SAG: variants seen among roughly 807,000 people sequenced by gnomAD.
SAG encodes S-arrestin.
Under a neutral mutation model 55.0 loss-of-function variants are expected in SAG, and 45 were observed. The observed-to-expected ratio is 0.82, with a 90% CI of 0.64 to 1.05. SAG has a LOEUF of 1.05. SAG is among the 50% of genes least tolerant of loss of function. The pLI, the probability that SAG is intolerant of heterozygous loss-of-function variation, is 0.00. For synonymous variants in SAG, 189 were observed against 197.4 expected (o/e 0.96, Z 0.36); for missense variants, 455 against 512.1 (o/e 0.89, Z 1.08).
At position 233,319,118 on chromosome 2, in the gene SAG, A is replaced by C; in HGVS notation, c.181+323A>C. 2.0e-6 allele frequency: 1 copy of C among 499,222 alleles called. No individual in the cohort carries two copies. Among genetic ancestry groups the C allele is most frequent in the Non-Finnish European group, 3.9e-6 (1 of 257,066 alleles). 30.9% of individuals were successfully genotyped at this position (499,222 alleles called of 1,614,324 possible). On this transcript the variant is annotated intron_variant, in intron 4 of 15. Transcript: ENST00000409110. The surrounding 1 kb of genome is among the most constrained non-coding windows in gnomAD (Gnocchi z 4.4). ...TCATGTACTTCTGTGCTAGGGGCAA[A>C]CTCAGGAGGGTGCCTGGGGTGCCTA...
At position 233,335,113 on chromosome 2, in the gene SAG, G is replaced by T. The variant is rs1448139275; in HGVS notation, c.944+14G>T. ...CTCCAGCACCATGTGAGTCCTCGAG[G>T]CTCAGGGAATAAGCCCTGGCAGGGC... On this transcript the variant is annotated intron_variant, in intron 11 of 15. Transcript: ENST00000409110. 6.2e-7 allele frequency: 1 copy of T among 1,605,024 alleles called. No homozygotes were observed. Among genetic ancestry groups the T allele is most frequent in the Non-Finnish European group, 8.5e-7 (1 of 1,173,064 alleles).
intron 14 of SAG, chr2:233,343,081 GTTTTT>G (rs34180640): frequency 0.1 from 10,851 of 104,028 alleles, 459 homozygotes; most frequent in South Asian, 0.15. Context: ...TTTTTTTGGG[GTTTTT>G]TTTTTTTTTT....
chr2:233,327,241 G>T (rs1052088255), intron 7 of SAG, 44 bp downstream of exon 7: 14 of 1,511,734 alleles, frequency 9.3e-6, no homozygotes, highest in Admixed American at 8.4e-5. Context: ...TGCGGTGGGG[G>T]TGGAGAGAAG....
chr2:233,331,065 C>T (rs925959557), intron 9 of SAG, among the ~76,000 whole-genome samples: 1 of 152,032 alleles, frequency 6.6e-6, no homozygotes, highest in African/African-American at 2.4e-5. Context: ...AAAAAATCCT[C>T]AAGCTTAATT....
chr2:233,346,685 C>A, intron 15 of SAG, 122 bp from the exon 16 acceptor site: 2 of 788,516 alleles, frequency 2.5e-6, no homozygotes, highest in Non-Finnish European at 4.4e-6. Flanking sequence ...ATGGCGTGCC[C>A]CCATGTTCTA....
chr2:233,330,714 A>T (rs1700733253), intron 9 of SAG, among the ~76,000 whole-genome samples: 1 of 151,996 alleles, frequency 6.6e-6, no homozygotes, highest in Non-Finnish European at 1.5e-5. Context: ...TATTTTCAGT[A>T]GAGATGGGGA....
intron 2 of SAG, among the ~76,000 whole-genome samples, chr2:233,314,052 T>G (rs1186274284): frequency 6.6e-6 from 1 of 151,620 alleles, no homozygotes; most frequent in Non-Finnish European, 1.5e-5. Flanking sequence ...AGACCCTGTC[T>G]CTACAAAAAA....
rs1203423590 is a variant in SAG, at chr2:233,319,960, G to C, written c.182-670G>C. On this transcript the variant is annotated intron_variant, in intron 4 of 15. Coordinates refer to ENST00000409110, the MANE Select transcript of SAG (RefSeq NM_000541.5). This position sits in a 1 kb window ranked among gnomAD's most constrained non-coding sequence, Gnocchi z 4.4. ...TATATTTGAGAAATATGTGCTTCGT[G>C]TCTTTTTTAGAAGGTGTAGTGAACT... 5.1e-6 allele frequency: 5 copies of C among 985,410 alleles called. No individual in the cohort carries two copies. The highest frequency in any genetic ancestry group is 6.0e-6 in the Non-Finnish European group (5 of 829,966). The allele number at this position is 985,410 out of a possible 1,614,324, so 61.0% of individuals were successfully genotyped here.
chr2:233,331,872 A>G, intron 10 of SAG, 160 bp downstream of exon 10: 1 of 657,050 alleles, frequency 1.5e-6, no homozygotes. Context: ...GAAAGTTAGC[A>G]TCTTAGCTCT....
chr2:233,342,462 A>G (rs570257223), intron 14 of SAG, 136 bp downstream of exon 14: 2 of 737,000 alleles, frequency 2.7e-6, no homozygotes, highest in East Asian at 2.7e-5. Flanking sequence ...GTGATCTACA[A>G]GGTGAATAGT....
At chr2:233,338,526 T>C in intron 11 of SAG, 150 bp from the exon 12 acceptor site, 5 of 680,956 alleles carry the variant, frequency 7.3e-6, no homozygotes. Context: ...CCCAAGTACA[T>C]GAACTTCTAG....
intron 7 of SAG, chr2:233,327,645 C>G (rs946732211): frequency 6.5e-6 from 1 of 154,394 alleles, no homozygotes; most frequent in African/African-American, 2.4e-5. Flanking sequence ...CAGGTTCAAG[C>G]GATTCTCCTG....
chr2:233,308,519 C>A (rs1034709200), intron 1 of SAG, among the ~76,000 whole-genome samples: 4 of 151,418 alleles, frequency 2.6e-5, no homozygotes, highest in Non-Finnish European at 5.9e-5. Flanking sequence ...GCTAAGATGG[C>A]CTCTTAATTG....
At chr2:233,311,110 T>C (rs568606931) in intron 2 of SAG, among the ~76,000 whole-genome samples, 2 of 152,266 alleles carry the variant, frequency 1.3e-5, no homozygotes, top group Non-Finnish European at 2.9e-5. Context: ...TTTTTGTAGA[T>C]AAGTCCTCAC....
At chr2:233,312,764 C>T (rs1353139660) in intron 2 of SAG, among the ~76,000 whole-genome samples, 1 of 152,188 alleles carries the variant, frequency 6.6e-6, no homozygotes, top group African/African-American at 2.4e-5. Flanking sequence ...CGTCCCCTGT[C>T]CTCTGGCTAT....
intron 6 of SAG, 25 bp downstream of exon 6, chr2:233,323,030 G>C (rs1700435089): frequency 6.9e-7 from 1 of 1,451,654 alleles, no homozygotes; most frequent in South Asian, 1.2e-5. Context: ...AAATGCCATG[G>C]TTTTATGGAT....
intron 11 of SAG, among the ~76,000 whole-genome samples, chr2:233,335,449 C>A (rs1421044507): frequency 1.3e-5 from 2 of 152,216 alleles, no homozygotes; most frequent in African/African-American, 2.4e-5. Flanking sequence ...TTCAGTGAGA[C>A]AATCCATGTG....
chr2:233,312,461 A>T (rs1463755567), intron 2 of SAG, among the ~76,000 whole-genome samples: 1 of 152,228 alleles, frequency 6.6e-6, no homozygotes, highest in African/African-American at 2.4e-5. Context: ...CCATGTGGTC[A>T]AAGTGCTTAG....
At chr2:233,312,859 TCCTC>T (rs2125321193) in intron 2 of SAG, among the ~76,000 whole-genome samples, 1 of 152,288 alleles carries the variant, frequency 6.6e-6, no homozygotes, top group South Asian at 2.1e-4. Flanking sequence ...CCCTCAGGCT[TCCTC>T]CCCACCAGCC....
Sources: gnomAD v4.1 joint callset for allele counts (sites outside exome capture counted in the v4.1 genomes callset) on GRCh38, gnomAD v4.1.1 for gene constraint, Gnocchi (gnomAD v3.1) non-coding constraint, MANE v1.5 for transcripts, NCBI Gene and HGNC (gene_info 2026-07-23, HGNC 2026-07-21) for gene names.